Variants in TRAPPC9 observed in about 807,000 individuals in gnomAD.
The protein encoded by TRAPPC9 is trafficking protein particle complex subunit 9, also known as IKK2 binding protein.
Under a neutral mutation model 124.0 loss-of-function variants are expected in TRAPPC9, and 83 were observed. That is an observed-to-expected ratio of 0.67 (90% CI 0.56 to 0.80). TRAPPC9 has a LOEUF of 0.80. Among genes scored for constraint, TRAPPC9 ranks in the 30% least tolerant of loss-of-function variants. TRAPPC9 has a pLI of 0.00. For synonymous variants in TRAPPC9, 638 were observed against 617.5 expected, an observed-to-expected ratio of 1.03 and a Z score of -0.49; for missense variants, 1,302 against 1,508.3, an observed-to-expected ratio of 0.86 and a Z score of 2.27.
chr8:140,398,154 G>C (rs2069150283), intron 6 of TRAPPC9, among the ~76,000 whole-genome samples: 2 of 152,176 alleles, frequency 1.3e-5, no homozygotes, highest in African/African-American at 4.8e-5. Flanking sequence ...GGCTTCCCCA[G>C]CCACACAGAA....
At chr8:139,915,296 G>C (rs1832049913) in intron 19 of TRAPPC9, among the ~76,000 whole-genome samples, 1 of 152,200 alleles carries the variant, frequency 6.6e-6, no homozygotes. Flanking sequence ...GGCCAGGCTG[G>C]AGTACAGTGG....
At chr8:140,066,043 A>T (rs1299414706) in intron 17 of TRAPPC9, among the ~76,000 whole-genome samples, 1 of 152,264 alleles carries the variant, frequency 6.6e-6, no homozygotes, top group Non-Finnish European at 1.5e-5. Flanking sequence ...TGCCAGTAAG[A>T]ACATTCATGA....
intron 19 of TRAPPC9, among the ~76,000 whole-genome samples, chr8:139,942,202 T>A (rs1276233009): frequency 6.6e-6 from 1 of 152,206 alleles, no homozygotes; most frequent in Non-Finnish European, 1.5e-5. Context: ...CCTTCTCTAG[T>A]TCTCAGCAAG....
rs1466745441 is a variant in TRAPPC9, at chr8:140,216,561, G to T, written c.2556+4898C>A. Among the ~76,000 whole-genome samples, 1 of 152,172 alleles carries T rather than the reference G, an allele frequency of 6.6e-6. No homozygotes were observed. Among genetic ancestry groups the T allele is most frequent in the Non-Finnish European group, 1.5e-5 (1 of 68,040 alleles). On this transcript the variant is annotated intron_variant, in intron 17 of 22. Transcript: ENST00000438773. This position sits in a 1 kb window ranked among gnomAD's most constrained non-coding sequence, Gnocchi z 4.1. Reference sequence around the variant, plus strand: ...AGTATGAGTGGAACACAAAGCAAAGGAAGGAACCAACAAACTCCGCGTGCC... The same window carrying T: ...AGTATGAGTGGAACACAAAGCAAAGTAAGGAACCAACAAACTCCGCGTGCC...
At chr8:140,041,865 A>G (rs1300407302) in intron 17 of TRAPPC9, among the ~76,000 whole-genome samples, 1 of 152,082 alleles carries the variant, frequency 6.6e-6, no homozygotes, top group African/African-American at 2.4e-5. Flanking sequence ...CCAGCTATTC[A>G]GGAGGCTGAG....
At chr8:139,946,774 A>C (rs2131475446) in intron 19 of TRAPPC9, among the ~76,000 whole-genome samples, 1 of 151,618 alleles carries the variant, frequency 6.6e-6, no homozygotes, top group African/African-American at 2.4e-5. Context: ...AGGTCAGGAG[A>C]TCGAGACCAT....
At chr8:140,238,846 G>GGA (rs1225419255) in intron 16 of TRAPPC9, among the ~76,000 whole-genome samples, 3 of 152,198 alleles carry the variant, frequency 2.0e-5, no homozygotes, top group Non-Finnish European at 4.4e-5. Context: ...AGCCTGGAAT[G>GGA]GAGAGAGAGG....
chr8:139,806,394 C>T (rs1416085649), intron 21 of TRAPPC9, among the ~76,000 whole-genome samples: 2 of 152,198 alleles, frequency 1.3e-5, no homozygotes, highest in Non-Finnish European at 2.9e-5. Context: ...TGTCACTGTC[C>T]TTGGTGGACT....
Position 139,974,895 on chromosome 8 carries a change from C to G in TRAPPC9, c.2810+13831G>C, listed in dbSNP as rs576564184. On this transcript the variant is annotated intron_variant, in intron 19 of 22. Transcript: ENST00000438773. ...CCGCCTTGTTCCCCAGGGGCTGTAG[C>G]TCTGCCGAGGGCACCTCCACAGGCC... Among the ~76,000 whole-genome samples the G allele has an allele frequency of 3.9e-5, 6 of 152,240 alleles. No homozygotes were observed. The East Asian group carries it at 1.2e-3, about 30-fold the overall frequency.
Position 139,961,701 on chromosome 8 carries a change from C to T in TRAPPC9, c.2810+27025G>A, listed in dbSNP as rs1835380940. Reference sequence around the variant, plus strand: ...GCAGGCTCAGGGGTGTCTGCTCCCACTGCCTGGCCTCTCTCAGCTCCTGGT... The same window carrying T: ...GCAGGCTCAGGGGTGTCTGCTCCCATTGCCTGGCCTCTCTCAGCTCCTGGT... On this transcript the variant is annotated intron_variant, in intron 19 of 22. Transcript: ENST00000438773. Among the ~76,000 whole-genome samples the T allele has an allele frequency of 3.2e-5, 4 of 123,850 alleles. 2 individuals are homozygous for T. Among genetic ancestry groups the T allele is most frequent in the Non-Finnish European group, 7.7e-5 (4 of 51,878 alleles). The allele number at this position is 123,850 out of a possible 152,430, so 81.3% of individuals were successfully genotyped here. A position where few individuals can be genotyped will look rare whatever the true frequency, so the allele number is the denominator to read the frequency against.
intron 7 of TRAPPC9, among the ~76,000 whole-genome samples, chr8:140,377,459 C>T (rs959739196): frequency 1.3e-5 from 2 of 152,174 alleles, no homozygotes; most frequent in African/African-American, 2.4e-5. Context: ...ACGCCACACC[C>T]GGCTACTTTT....
rs2065638761 is a variant in TRAPPC9, at chr8:140,291,007, G to A, written c.1840C>T (p.Arg614Ter). The change falls in exon 12 of 23, where the codon CGA becomes TGA. Residue 614 changes from arginine to a stop codon, truncating the protein, a stop_gained. Coordinates refer to ENST00000438773, the MANE Select transcript of TRAPPC9 (RefSeq NM_001160372.4). LOFTEE classifies it high-confidence loss of function. ...MVYNPMPFEL[R>*]VENMGLLTSG... ...GTGATACATACCATGTTTTCAACTC[G>A]AAGTTCAAACGGCATTGGGTTATAT... 4 of 1,613,986 alleles carry A rather than the reference G, an allele frequency of 2.5e-6. No individual in the cohort carries two copies. Among genetic ancestry groups the A allele is most frequent in the South Asian group, 2.2e-5 (2 of 91,084 alleles).
At chr8:140,093,593 A>T (rs1332992191) in intron 17 of TRAPPC9, among the ~76,000 whole-genome samples, 2 of 151,938 alleles carry the variant, frequency 1.3e-5, no homozygotes, top group African/African-American at 4.8e-5. Flanking sequence ...GCTTGAACTC[A>T]AGAGGCGGAG....
chr8:140,302,542 T>C (rs2066009697), intron 10 of TRAPPC9: 1 of 152,208 alleles, frequency 6.6e-6, no homozygotes, highest in Non-Finnish European at 1.5e-5. Flanking sequence ...ACAGATTCCA[T>C]CTGGAAACTG....
At chr8:140,204,023 C>T (rs572530625) in intron 17 of TRAPPC9, among the ~76,000 whole-genome samples, 1 of 152,260 alleles carries the variant, frequency 6.6e-6, no homozygotes, top group Admixed American at 6.5e-5. Context: ...TGGTCTCCTC[C>T]AAATCTCAGG....
At chr8:139,917,594 CG>C (rs1188152209) in intron 19 of TRAPPC9, among the ~76,000 whole-genome samples, 9 of 152,230 alleles carry the variant, frequency 5.9e-5, no homozygotes, top group Admixed American at 5.9e-4. Flanking sequence ...ATGGCGCCCC[CG>C]TCCCCCGGGC....
At chr8:140,376,204 A>G (rs78031340) in intron 7 of TRAPPC9, among the ~76,000 whole-genome samples, 5 of 152,190 alleles carry the variant, frequency 3.3e-5, no homozygotes, top group Non-Finnish European at 7.3e-5. Context: ...AAAAACTTCA[A>G]TAAGACCTGG....
chr8:140,252,662 G>A lies in TRAPPC9; in HGVS notation c.2431+115C>T, dbSNP rs181202587. The A allele has an allele frequency of 4.0e-5, 50 of 1,253,630 alleles. No homozygotes were observed. The African/African-American group carries it at 6.4e-4, about 16-fold the overall frequency. 77.7% of individuals were successfully genotyped at this position (1,253,630 alleles called of 1,614,324 possible). A position where few individuals can be genotyped will look rare whatever the true frequency, so the allele number is the denominator to read the frequency against. ...GCCCAGGAGATGTCTCAGGCAGCTT[G>A]AGTTAATGAATGACAAGTGAGTTAC... On this transcript the variant is annotated intron_variant, in intron 16 of 22. Transcript: ENST00000438773. The surrounding 1 kb of genome is among the most constrained non-coding windows in gnomAD (Gnocchi z 4.2).
chr8:140,371,210 T>C (rs746466331), intron 7 of TRAPPC9, 30 bp from the exon 8 acceptor site: 55 of 1,573,280 alleles, frequency 3.5e-5, no homozygotes, highest in Non-Finnish European at 4.6e-5. Context: ...TAAAAAGCTT[T>C]TGAAAGAAAC....
Sources: gnomAD v4.1 joint callset for allele counts (sites outside exome capture counted in the v4.1 genomes callset) on GRCh38, gnomAD v4.1.1 for gene constraint, Gnocchi (gnomAD v3.1) non-coding constraint, MANE v1.5 for transcripts, NCBI Gene and HGNC (gene_info 2026-07-23, HGNC 2026-07-21) for gene names.